The following PRAME variants were observed in gnomAD, a reference collection of about 807,000 sequenced individuals.
The protein encoded by PRAME is melanoma antigen preferentially expressed in tumors.
A neutral mutation model predicts 32.1 loss-of-function variants in PRAME; 21 were observed. That is an observed-to-expected ratio of 0.65 (90% CI 0.46 to 0.94). The LOEUF (loss-of-function observed/expected upper bound fraction) is 0.94. PRAME is among the 40% of genes least tolerant of loss of function. The probability of loss-of-function intolerance (pLI) is 0.00; values close to 1 mark genes in which losing one functional copy is unlikely to be tolerated. For synonymous variants in PRAME, 274 were observed against 251.5 expected (o/e 1.09, Z -0.85); for missense variants, 651 against 622.3 (o/e 1.05, Z -0.49).
In PRAME at chr22:22,554,083, A is replaced by C. The variant is rs114699213; in HGVS notation, c.21+2729T>G. On this transcript the variant is annotated intron_variant, in intron 3 of 5. Coordinates refer to ENST00000405655, the MANE Select transcript of PRAME (RefSeq NM_206956.3). The stretch of plus-strand genomic sequence containing the variant: ...ATTTCCATGCTAGGCACAGTGCACA[A>C]ATACATTTTCCGTCACAAAAAATTG... The C allele has an allele frequency of 6.3e-4, 604 of 961,586 alleles. 4 individuals carry two copies. The African/African-American group carries it at 0.012, about 18-fold the overall frequency. 59.6% of individuals were successfully genotyped at this position (961,586 alleles called of 1,614,324 possible). A position where few individuals can be genotyped will look rare whatever the true frequency, so the allele number is the denominator to read the frequency against.
intron 3 of PRAME, chr22:22,553,919 C>A (rs950812740): frequency 2.0e-6 from 2 of 985,144 alleles, no homozygotes; most frequent in African/African-American, 1.7e-5. Flanking sequence ...TCTCCAATGG[C>A]CAGCCCCTTC....
At chr22:22,556,791 C>G (rs1369708956) in intron 3 of PRAME, 21 bp downstream of exon 3, 12 of 1,612,506 alleles carry the variant, frequency 7.4e-6, no homozygotes, top group African/African-American at 1.3e-5. Flanking sequence ...GCACCTCAGA[C>G]AGCTCAGGGG....
rs2062336673 is a variant in PRAME at position 22,547,837 on chromosome 22, C to G, written c.*230G>C. On this transcript the variant is annotated 3_prime_UTR_variant, in exon 6 of 6. Coordinates refer to ENST00000405655, the MANE Select transcript of PRAME (RefSeq NM_206956.3). ...CTATTTCTAACTCTATAAGATGTAT[C>G]TCCCCAAAGATCACATTAACTCCTC... 2 of 570,986 alleles carry G rather than the reference C, an allele frequency of 3.5e-6. No individual in the cohort carries two copies. Among genetic ancestry groups the G allele is most frequent in the African/African-American group, 3.7e-5 (2 of 53,342 alleles). The allele number at this position is 570,986 out of a possible 1,614,324, so 35.4% of individuals were successfully genotyped here.
At chr22:22,553,053 T>C (rs1045887876) in intron 3 of PRAME, 3 of 397,032 alleles carry the variant, frequency 7.6e-6, no homozygotes, top group Non-Finnish European at 1.6e-5. Context: ...TTGAATGGGA[T>C]GTCTATTTAC....
chr22:22,556,481 T>C lies in PRAME; in HGVS notation c.21+331A>G, dbSNP rs917411642. 3.4e-5 allele frequency among the ~76,000 whole-genome samples: 5 copies of C among 148,754 alleles called. No homozygotes were observed. In the Admixed American group the frequency reaches 3.5e-4, roughly 10 times the overall value. On this transcript the variant is annotated intron_variant, in intron 3 of 5. Coordinates refer to ENST00000405655, the MANE Select transcript of PRAME (RefSeq NM_206956.3). ...GCATGCCACCACGCCCGGCTAACTT[T>C]CTGTACTTTTAGTAGACGCGGGGTT...
At position 22,550,753 on chromosome 22, in the gene PRAME, T is replaced by C. The variant is rs1040927807; in HGVS notation, c.344+14A>G. On this transcript the variant is annotated intron_variant, in intron 4 of 5. Transcript: ENST00000405655. ...TTCCCAGGGCCCCACACCAAGCTGC[T>C]AGGTCACCCTTACCTGGGGCGAACC... The C allele has an allele frequency of 2.6e-6, 4 of 1,557,670 alleles. No individual in the cohort carries two copies. Among genetic ancestry groups the C allele is most frequent in the Admixed American group, 1.8e-5 (1 of 54,606 alleles).
intron 3 of PRAME, among the ~76,000 whole-genome samples, chr22:22,552,585 A>C (rs1173836289): frequency 6.6e-6 from 1 of 152,122 alleles, no homozygotes; most frequent in Non-Finnish European, 1.5e-5. Flanking sequence ...GTACCCTATA[A>C]ATATGTACAA....
chr22:22,550,433 C>A, intron 4 of PRAME, 99 bp from the exon 5 acceptor site: 2 of 1,438,198 alleles, frequency 1.4e-6, no homozygotes, highest in Non-Finnish European at 1.9e-6. Context: ...AAACAGACAT[C>A]CACCTTAGAT....
chr22:22,555,749 G>T, intron 3 of PRAME: 1 of 418,016 alleles, frequency 2.4e-6, no homozygotes, highest in Non-Finnish European at 5.2e-6. Context: ...TTCAACCCAG[G>T]TTGCATGTTC....
At position 22,559,139 on chromosome 22, in the gene PRAME, A is replaced by C; in HGVS notation, c.-282T>G. The stretch of plus-strand genomic sequence containing the variant: ...CAGAGGACTCCGCCCTGCTTTCCCT[A>C]CATTCAGGGCTGCTCCTTTTGTCGC... On this transcript the variant is annotated 5_prime_UTR_variant, in exon 1 of 6. The change abolishes the stop of an existing upstream ORF in the 5' untranslated region. Coordinates refer to ENST00000405655, the MANE Select transcript of PRAME (RefSeq NM_206956.3). The C allele has an allele frequency of 4.5e-6, 1 of 220,230 alleles. No homozygotes were observed. The highest frequency in any genetic ancestry group is 5.4e-5 in the South Asian group (1 of 18,544). The allele number at this position is 220,230 out of a possible 1,614,324, so 13.6% of individuals were successfully genotyped here. A position where few individuals can be genotyped will look rare whatever the true frequency, so the allele number is the denominator to read the frequency against.
At position 22,550,128 on chromosome 22, in the gene PRAME, T is replaced by C; in HGVS notation, c.551A>G (p.Lys184Arg). 1 of 1,613,894 alleles carries C rather than the reference T, an allele frequency of 6.2e-7. No homozygotes were observed. Among genetic ancestry groups the C allele is most frequent in the Non-Finnish European group, 8.5e-7 (1 of 1,179,970 alleles). Reference sequence around the variant, plus strand: ...GAACAATTCATCACAGGCACCTTCCTTGAGGAACAGGTCTACGAGCACCTC... The same window carrying C: ...GAACAATTCATCACAGGCACCTTCCCTGAGGAACAGGTCTACGAGCACCTC... ...PVEVLVDLFL[K>R]EGACDELFSY... The change falls in exon 5 of 6, where the codon AAG becomes AGG. Residue 184 changes from lysine (K) to arginine (R), a missense_variant. Transcript: ENST00000405655.
chr22:22,548,229 G>C lies in PRAME; in HGVS notation c.1368C>G (p.His456Gln), dbSNP rs1355113965. The change falls in exon 6 of 6, where the codon CAC (histidine) becomes CAG (glutamine). Residue 456 changes from histidine to glutamine, a missense_variant. Transcript: ENST00000405655. ...ESYEDIHGTL[H>Q]LERLAYLHAR... The stretch of plus-strand genomic sequence containing the variant: ...CATGCAGATAGGCAAGCCTCTCCAG[G>C]TGGAGGGTACCATGGATGTCCTCAT... 1 of 1,613,850 alleles carries C rather than the reference G, an allele frequency of 6.2e-7. No individual in the cohort carries two copies. Among genetic ancestry groups the C allele is most frequent in the East Asian group, 2.2e-5 (1 of 44,776 alleles).
Position 22,547,975 on chromosome 22 carries a change from A to C in PRAME, c.*92T>G, listed in dbSNP as rs937050388. The C allele has an allele frequency of 7.5e-7, 1 of 1,339,494 alleles. No individual in the cohort carries two copies. The highest frequency in any genetic ancestry group is 1.4e-5 in the South Asian group (1 of 71,770). The allele number at this position is 1,339,494 out of a possible 1,614,324, so 83.0% of individuals were successfully genotyped here. ...CTCACTCACACTGAACATTTGTCTG[A>C]AACTGTGGCTGCTTTGTTGCTTCAA... On this transcript the variant is annotated 3_prime_UTR_variant, in exon 6 of 6. Coordinates refer to ENST00000405655, the MANE Select transcript of PRAME (RefSeq NM_206956.3).
At chr22:22,551,674 T>TATTAAGA (rs1490635897) in intron 3 of PRAME, among the ~76,000 whole-genome samples, 5 of 151,826 alleles carry the variant, frequency 3.3e-5, no homozygotes, top group African/African-American at 9.7e-5. Context: ...TAAGTGCGTC[T>TATTAAGA]CTTTTACGTA....
In PRAME at chr22:22,552,877, C is replaced by T. The variant is rs1301588975; in HGVS notation, c.22-1788G>A. 5.5e-5 allele frequency: 26 copies of T among 470,866 alleles called. No homozygotes were observed. The East Asian group carries it at 1.7e-3, about 32-fold the overall frequency. 29.2% of individuals were successfully genotyped at this position (470,866 alleles called of 1,614,324 possible). A position where few individuals can be genotyped will look rare whatever the true frequency, so the allele number is the denominator to read the frequency against. On this transcript the variant is annotated intron_variant, in intron 3 of 5. Coordinates refer to ENST00000405655, the MANE Select transcript of PRAME (RefSeq NM_206956.3). ...GAAGACCACAACATTGACTCCATGG[C>T]CTCTGGGTCCCTCCTCTGGCCCCTC...
rs2062481339 is a variant in PRAME at position 22,550,157 on chromosome 22, T to G, written c.522A>C (p.Pro174=). Residue 174 remains proline (P), a synonymous_variant, in exon 5 of 6, where the codon CCA becomes CCC. Transcript: ENST00000405655. ...LSTEAEQPFI[P]VEVLVDLFLK... is the part of the protein sequence containing the mutation. ...GGAACAGGTCTACGAGCACCTCTAC[T>G]GGAATGAAGGGCTGCTCTGCCTCTG... The G allele has an allele frequency of 6.2e-7, 1 of 1,613,876 alleles. No homozygotes were observed. The highest frequency in any genetic ancestry group is 8.5e-7 in the Non-Finnish European group (1 of 1,179,966).
Position 22,559,214 on chromosome 22 carries a change from C to A in PRAME, c.-357G>T, listed in dbSNP as rs545286274. The A allele has an allele frequency of 6.8e-6, 2 of 294,634 alleles. No homozygotes were observed. The highest frequency in any genetic ancestry group is 2.4e-5 in the African/African-American group (1 of 42,316). 18.3% of individuals were successfully genotyped at this position (294,634 alleles called of 1,614,324 possible). On this transcript the variant is annotated 5_prime_UTR_variant, in exon 1 of 6. Coordinates refer to ENST00000405655, the MANE Select transcript of PRAME (RefSeq NM_206956.3). ...CGCCTGGGAAGCGGGTGGGGTGTCC[C>A]GGAGCGGTGCTGAGGCGCTGCAGGC...
chr22:22,557,175 G>A (rs772837717), intron 2 of PRAME: 35 of 386,294 alleles, frequency 9.1e-5, no homozygotes, highest in Non-Finnish European at 1.6e-4. Context: ...GTCTTGCAGC[G>A]ACATTTCTGC....
rs999097845 is a variant in PRAME at position 22,559,215 on chromosome 22, G to C, written c.-358C>G. ...GCCTGGGAAGCGGGTGGGGTGTCCCGGAGCGGTGCTGAGGCGCTGCAGGCC... is the reference window on the plus strand; with the variant it reads ...GCCTGGGAAGCGGGTGGGGTGTCCCCGAGCGGTGCTGAGGCGCTGCAGGCC... On this transcript the variant is annotated 5_prime_UTR_variant, in exon 1 of 6. Coordinates refer to ENST00000405655, the MANE Select transcript of PRAME (RefSeq NM_206956.3). 6 of 294,548 alleles carry C rather than the reference G, an allele frequency of 2.0e-5. No individual in the cohort carries two copies. Among genetic ancestry groups the C allele is most frequent in the Non-Finnish European group, 4.0e-5 (6 of 150,308 alleles). 18.2% of individuals were successfully genotyped at this position (294,548 alleles called of 1,614,324 possible).
Sources: gnomAD v4.1 joint callset for allele counts (sites outside exome capture counted in the v4.1 genomes callset) on GRCh38, gnomAD v4.1.1 for gene constraint, MANE v1.5 for transcripts, NCBI Gene and HGNC (gene_info 2026-07-23, HGNC 2026-07-21) for gene names.